NUDT3: variants seen among roughly 807,000 people sequenced by gnomAD.
NUDT3 encodes diphosphoinositol polyphosphate phosphohydrolase 1.
NUDT3 carries 9 observed loss-of-function variants against 23.6 expected under a neutral mutation model. The observed-to-expected ratio is 0.38, with a 90% CI of 0.23 to 0.66. The LOEUF (loss-of-function observed/expected upper bound fraction) is 0.66. NUDT3 is among the 30% of genes least tolerant of loss of function. The probability of loss-of-function intolerance (pLI) is 0.52; values close to 1 mark genes in which losing one functional copy is unlikely to be tolerated. For synonymous variants in NUDT3, 86 were observed against 82.6 expected (o/e 1.04, Z -0.22); for missense variants, 172 against 218.5 (o/e 0.79, Z 1.34).
chr6:34,386,946 T>C (rs1332223334), intron 1 of NUDT3, among the ~76,000 whole-genome samples: 1 of 152,022 alleles, frequency 6.6e-6, no homozygotes, highest in African/African-American at 2.4e-5. Context: ...AAACCCTATC[T>C]CTACAAAAAA....
intron 2 of NUDT3, among the ~76,000 whole-genome samples, chr6:34,331,416 T>C (rs914817211): frequency 6.6e-6 from 1 of 152,248 alleles, no homozygotes; most frequent in South Asian, 2.1e-4. Flanking sequence ...TTTTATTTTA[T>C]GTATGACACT....
In NUDT3 at chr6:34,279,695, G is replaced by GT; in HGVS notation, c.*9057dup. 1 of 152,106 alleles carries GT rather than the reference G, an allele frequency of 6.6e-6. No individual in the cohort carries two copies. 9.4% of individuals were successfully genotyped at this position (152,106 alleles called of 1,614,324 possible). The stretch of plus-strand genomic sequence containing the variant: ...TAAAAGGGATGTGTGTGAAATACTG[G>GT]TTTTTATTGGTTGGCACAAGATTAC... On this transcript the variant is annotated 3_prime_UTR_variant, in exon 5 of 5. Coordinates refer to ENST00000607016, the MANE Select transcript of NUDT3 (RefSeq NM_006703.4).
At chr6:34,339,844 T>G (rs1764262189) in intron 2 of NUDT3, among the ~76,000 whole-genome samples, 2 of 152,208 alleles carry the variant, frequency 1.3e-5, no homozygotes, top group Non-Finnish European at 2.9e-5. Flanking sequence ...TAAGCTAAAT[T>G]TCTAACAAAA....
At chr6:34,308,118 T>C (rs1763710285) in intron 2 of NUDT3, among the ~76,000 whole-genome samples, 1 of 32,644 alleles carries the variant, frequency 3.1e-5, no homozygotes, top group East Asian at 1.1e-3. Context: ...AAACTCTGTC[T>C]CAAAAAAAAA....
intron 1 of NUDT3, among the ~76,000 whole-genome samples, chr6:34,387,850 C>T (rs144917266): frequency 2.5e-3 from 381 of 151,978 alleles, no homozygotes; most frequent in Middle Eastern, 0.017. Context: ...AATTTATTAT[C>T]GAAGAAAAAT....
chr6:34,298,624 G>A (rs1272105624), intron 2 of NUDT3, among the ~76,000 whole-genome samples: 1 of 142,390 alleles, frequency 7.0e-6, no homozygotes, highest in East Asian at 2.1e-4. Context: ...AATGATGTTT[G>A]TTTGTTTAAA....
rs753112547 is a variant in NUDT3 at position 34,295,627 on chromosome 6, T to A, written c.255+14A>T. The stretch of plus-strand genomic sequence containing the variant: ...AATACATATCATTTGTACCAAAGAT[T>A]TTAACAGACTTACCTCAAAAATTCC... On this transcript the variant is annotated intron_variant, in intron 3 of 4. Transcript: ENST00000607016. 2.5e-6 allele frequency: 4 copies of A among 1,613,682 alleles called. No homozygotes were observed. Among genetic ancestry groups the A allele is most frequent in the Non-Finnish European group, 1.7e-6 (2 of 1,179,830 alleles).
At chr6:34,384,396 G>A (rs1241927099) in intron 1 of NUDT3, among the ~76,000 whole-genome samples, 1 of 152,122 alleles carries the variant, frequency 6.6e-6, no homozygotes. Context: ...CCTATTAGTA[G>A]TCATTTTTCT....
intron 1 of NUDT3, among the ~76,000 whole-genome samples, chr6:34,356,380 A>G (rs1006159413): frequency 5.9e-5 from 9 of 152,200 alleles, no homozygotes; most frequent in Non-Finnish European, 1.0e-4. Flanking sequence ...TTCTTTCTAC[A>G]GAATACTTTC....
At chr6:34,337,731 C>A (rs1377398789) in intron 2 of NUDT3, among the ~76,000 whole-genome samples, 1 of 152,172 alleles carries the variant, frequency 6.6e-6, no homozygotes, top group Non-Finnish European at 1.5e-5. Flanking sequence ...GACACAAATT[C>A]CAAATGTGCT....
chr6:34,372,192 T>C lies in NUDT3; in HGVS notation c.99+20072A>G, dbSNP rs188987228. Among the ~76,000 whole-genome samples the C allele has an allele frequency of 7.9e-3, 1,210 of 152,282 alleles. 14 individuals carry two copies. Among genetic ancestry groups the C allele is most frequent in the Middle Eastern group, 0.024 (7 of 294 alleles). On this transcript the variant is annotated intron_variant, in intron 1 of 4. Transcript: ENST00000607016. The stretch of plus-strand genomic sequence containing the variant: ...AAGTCTTTGCTATTGTGAATAGTGC[T>C]GCAATAAACATATGTGTGCATGTGT...
rs1763345653 is a variant in NUDT3, at chr6:34,287,200, A to C, written c.*1553T>G. The C allele has an allele frequency of 6.6e-6, 1 of 152,212 alleles. No homozygotes were observed. The highest frequency in any genetic ancestry group is 1.5e-5 in the Non-Finnish European group (1 of 68,028). The allele number at this position is 152,212 out of a possible 1,614,324, so 9.4% of individuals were successfully genotyped here. A position where few individuals can be genotyped will look rare whatever the true frequency, so the allele number is the denominator to read the frequency against. On this transcript the variant is annotated 3_prime_UTR_variant, in exon 5 of 5. Transcript: ENST00000607016. Reference sequence around the variant, plus strand: ...AGGAGGGAAAAGTAAAAGCTTTTCAAAGTTTGAGTGCTTTATTAGAATTTT... The same window carrying C: ...AGGAGGGAAAAGTAAAAGCTTTTCACAGTTTGAGTGCTTTATTAGAATTTT...
intron 2 of NUDT3, among the ~76,000 whole-genome samples, chr6:34,336,039 C>T (rs957202967): frequency 3.9e-5 from 6 of 151,954 alleles, no homozygotes; most frequent in East Asian, 1.9e-4. Flanking sequence ...GAGGCCGAGG[C>T]GGGTGGACTG....
chr6:34,316,949 G>A (rs1057001034), intron 2 of NUDT3, among the ~76,000 whole-genome samples: 1 of 152,172 alleles, frequency 6.6e-6, no homozygotes, highest in African/African-American at 2.4e-5. Context: ...GGTGCAGGGG[G>A]TGTAGCTAAG....
intron 2 of NUDT3, among the ~76,000 whole-genome samples, chr6:34,312,166 C>T: frequency 6.6e-6 from 1 of 152,080 alleles, no homozygotes; most frequent in East Asian, 1.9e-4. Context: ...CTTTGGGAGG[C>T]TGAGGTGGGC....
At chr6:34,289,892 C>T (rs543822595) in intron 4 of NUDT3, among the ~76,000 whole-genome samples, 1 of 152,224 alleles carries the variant, frequency 6.6e-6, no homozygotes, top group African/African-American at 2.4e-5. Context: ...GAAAAAGAAA[C>T]AATCTTGAGA....
intron 1 of NUDT3, among the ~76,000 whole-genome samples, chr6:34,349,452 T>A (rs139614851): frequency 2.7e-5 from 4 of 149,450 alleles, no homozygotes; most frequent in Non-Finnish European, 5.9e-5. Flanking sequence ...CAGGGAGGAG[T>A]TGTGAAATCA....
At chr6:34,326,671 G>A (rs570372697) in intron 2 of NUDT3, among the ~76,000 whole-genome samples, 36 of 151,832 alleles carry the variant, frequency 2.4e-4, no homozygotes, top group African/African-American at 6.0e-4. Context: ...CGTGATCTCA[G>A]CTCACTGCAA....
At chr6:34,361,006 T>G (rs1434648777) in intron 1 of NUDT3, among the ~76,000 whole-genome samples, 1 of 152,162 alleles carries the variant, frequency 6.6e-6, no homozygotes, top group Non-Finnish European at 1.5e-5. Flanking sequence ...GAGGACTGCG[T>G]GAGGTCAGGA....
Sources: allele counts gnomAD v4.1 joint callset (sites outside exome capture counted in the v4.1 genomes callset), GRCh38; gene constraint gnomAD v4.1.1; transcripts MANE v1.5; gene names NCBI Gene and HGNC (gene_info 2026-07-23, HGNC 2026-07-21).